MARCHF1: variants seen among roughly 807,000 people sequenced by gnomAD.
MARCHF1 encodes membrane associated ring-CH-type finger 1.
Under a neutral mutation model 54.2 loss-of-function variants are expected in MARCHF1, and 40 were observed. The ratio of observed to expected loss-of-function variants is 0.74; its 90% confidence interval spans 0.57 to 0.96. The LOEUF (loss-of-function observed/expected upper bound fraction) is 0.96. Ranked by LOEUF, MARCHF1 falls within the 40% of genes least tolerant of loss-of-function variation. MARCHF1 has a pLI of 0.00. For missense variants in MARCHF1, 586 were observed against 656.5 expected (o/e 0.89, Z 1.17); for synonymous variants, 236 against 236.3 (o/e 1.00, Z 0.01).
At chr4:164,040,326 ATACT>A (rs1324574829) in intron 2 of MARCHF1, among the ~76,000 whole-genome samples, 1 of 138,186 alleles carries the variant, frequency 7.2e-6, no homozygotes, top group Admixed American at 7.6e-5. Context: ...ATATGTATAA[ATACT>A]TATACAATAC....
intron 4 of MARCHF1, among the ~76,000 whole-genome samples, chr4:163,755,638 T>C (rs28718305): frequency 0.04 from 5,933 of 148,646 alleles, 392 homozygotes; most frequent in African/African-American, 0.14. Context: ...TTTTTTTTCC[T>C]GAAGGAAAAA....
intron 3 of MARCHF1, among the ~76,000 whole-genome samples, chr4:163,969,170 G>A (rs1045196170): frequency 1.8e-4 from 27 of 152,160 alleles, no homozygotes; most frequent in African/African-American, 5.5e-4. Flanking sequence ...CTCATACACT[G>A]CCAGAGAAAG....
intron 2 of MARCHF1, among the ~76,000 whole-genome samples, chr4:164,042,115 T>C (rs899088989): frequency 6.6e-6 from 1 of 152,164 alleles, no homozygotes; most frequent in African/African-American, 2.4e-5. Flanking sequence ...AGACTGAATA[T>C]GTTTACCATT....
chr4:164,050,420 A>AGTCT lies in MARCHF1; in HGVS notation c.-248+61164_-248+61167dup, dbSNP rs551363315. Among the ~76,000 whole-genome samples the AGTCT allele has an allele frequency of 3.3e-5, 5 of 151,254 alleles. No individual in the cohort carries two copies. In the South Asian group the frequency reaches 1.0e-3, roughly 32 times the overall value. ...CAGATATTTCATTCACCCTTCTTTC[A>AGTCT]GTCTTTCACCAGATCTTGTGTCTTG... is the stretch of plus-strand genomic sequence containing the variant. On this transcript the variant is annotated intron_variant, in intron 2 of 9. Transcript: ENST00000514618.
At chr4:163,634,661 C>G in intron 5 of MARCHF1, among the ~76,000 whole-genome samples, 1 of 151,956 alleles carries the variant, frequency 6.6e-6, no homozygotes, top group Non-Finnish European at 1.5e-5. Flanking sequence ...GACTTTAACA[C>G]CCCACTGTCA....
chr4:163,553,531 T>C (rs541693547), intron 8 of MARCHF1, among the ~76,000 whole-genome samples: 2 of 152,330 alleles, frequency 1.3e-5, no homozygotes, highest in East Asian at 3.9e-4. Flanking sequence ...GAAGGGTTAT[T>C]ACAAAAGTTA....
intron 1 of MARCHF1, among the ~76,000 whole-genome samples, chr4:164,377,553 T>C (rs1184297756): frequency 6.6e-6 from 1 of 151,988 alleles, no homozygotes; most frequent in Non-Finnish European, 1.5e-5. Context: ...TCGTTAACCA[T>C]GGAGTTCTTG....
intron 7 of MARCHF1, among the ~76,000 whole-genome samples, chr4:163,602,943 T>A (rs1382244915): frequency 6.6e-6 from 1 of 152,124 alleles, no homozygotes; most frequent in Admixed American, 6.6e-5. Flanking sequence ...GGATATTAAA[T>A]ATTAAATGTG....
At chr4:164,112,077 A>G (rs35133983) in intron 1 of MARCHF1, among the ~76,000 whole-genome samples, 107,715 of 151,510 alleles carry the variant, frequency 0.71, 39,606 homozygotes, top group Non-Finnish European at 0.82. Flanking sequence ...AATTTGATCT[A>G]GTTGTTTGAT....
intron 3 of MARCHF1, among the ~76,000 whole-genome samples, chr4:163,882,997 A>C (rs981078657): frequency 2.0e-5 from 3 of 152,112 alleles, no homozygotes; most frequent in Admixed American, 6.5e-5. Context: ...TTTATTTCAT[A>C]CATGTGGTTT....
intron 3 of MARCHF1, among the ~76,000 whole-genome samples, chr4:163,891,615 T>C (rs941392868): frequency 2.0e-5 from 3 of 152,274 alleles, no homozygotes; most frequent in African/African-American, 7.2e-5. Context: ...AGCTTTCTGA[T>C]GCATTCCCAT....
At chr4:163,929,147 C>T (rs1174248315) in intron 3 of MARCHF1, among the ~76,000 whole-genome samples, 1 of 151,996 alleles carries the variant, frequency 6.6e-6, no homozygotes, top group African/African-American at 2.4e-5. Context: ...TTTATTTCTT[C>T]TATATCCAGC....
At chr4:163,825,517 A>C (rs1748824922) in intron 4 of MARCHF1, among the ~76,000 whole-genome samples, 1 of 152,060 alleles carries the variant, frequency 6.6e-6, no homozygotes, top group East Asian at 1.9e-4. Context: ...AGAAATCGCC[A>C]AACTGCTTTC....
At chr4:163,855,354 G>A (rs1749742997) in intron 3 of MARCHF1, among the ~76,000 whole-genome samples, 1 of 152,100 alleles carries the variant, frequency 6.6e-6, no homozygotes, top group Non-Finnish European at 1.5e-5. Context: ...TTGTTTGAAT[G>A]GGCAACAAAT....
chr4:163,891,604 G>T (rs1043045683), intron 3 of MARCHF1, among the ~76,000 whole-genome samples: 3 of 151,972 alleles, frequency 2.0e-5, no homozygotes, highest in Admixed American at 6.6e-5. Context: ...ATAGAAAAAG[G>T]AGCTTTCTGA....
chr4:164,288,171 T>C (rs1362974512), intron 1 of MARCHF1, among the ~76,000 whole-genome samples: 1 of 151,906 alleles, frequency 6.6e-6, no homozygotes, highest in African/African-American at 2.4e-5. Context: ...GAGGTCTGGG[T>C]ATTCATAGGG....
intron 2 of MARCHF1, among the ~76,000 whole-genome samples, chr4:164,081,405 A>G (rs1350682690): frequency 3.9e-5 from 6 of 151,976 alleles, no homozygotes; most frequent in Non-Finnish European, 8.8e-5. Flanking sequence ...ATAACTTAGC[A>G]AAAAGACAGA....
At chr4:163,904,584 C>G (rs183432684) in intron 3 of MARCHF1, among the ~76,000 whole-genome samples, 8 of 152,272 alleles carry the variant, frequency 5.3e-5, no homozygotes, top group Admixed American at 5.2e-4. Flanking sequence ...AAAATCCATA[C>G]TTAGAGATTT....
At chr4:164,016,295 G>A (rs143429766) in intron 2 of MARCHF1, among the ~76,000 whole-genome samples, 54 of 152,170 alleles carry the variant, frequency 3.5e-4, no homozygotes, top group African/African-American at 1.2e-3. Flanking sequence ...GAAGGGGGAA[G>A]AGCCCCTTAT....
Sources: allele counts gnomAD v4.1 joint callset (sites outside exome capture counted in the v4.1 genomes callset), GRCh38; gene constraint gnomAD v4.1.1; transcripts MANE v1.5; gene names NCBI Gene and HGNC (gene_info 2026-07-23, HGNC 2026-07-21).